PACRG: variants seen among roughly 807,000 people sequenced by gnomAD.
PACRG encodes the protein parkin coregulated gene protein.
PACRG carries 29 observed loss-of-function variants against 29.7 expected under a neutral mutation model. That is an observed-to-expected ratio of 0.98 (90% CI 0.73 to 1.33). PACRG has a LOEUF of 1.33. PACRG is among the 40% of genes most tolerant of loss of function. The probability of loss-of-function intolerance (pLI) is 0.00; values close to 1 mark genes in which losing one functional copy is unlikely to be tolerated. For synonymous variants in PACRG, 116 were observed against 118.7 expected (o/e 0.98, Z 0.15); for missense variants, 279 against 316.2 (o/e 0.88, Z 0.89).
At chr6:163,098,088 A>G (rs542879773) in intron 4 of PACRG, among the ~76,000 whole-genome samples, 14 of 152,166 alleles carry the variant, frequency 9.2e-5, no homozygotes, top group Admixed American at 3.3e-4. Flanking sequence ...GCCACGTTAT[A>G]TAGGGTTAAA....
At chr6:162,811,742 T>A (rs1042423380) in intron 1 of PACRG, among the ~76,000 whole-genome samples, 4 of 152,132 alleles carry the variant, frequency 2.6e-5, no homozygotes, top group African/African-American at 9.6e-5. Context: ...AACTGATGTA[T>A]CCATGCCATG....
chr6:163,224,021 C>G (rs1285501940), intron 4 of PACRG, among the ~76,000 whole-genome samples: 1 of 152,062 alleles, frequency 6.6e-6, no homozygotes, highest in African/African-American at 2.4e-5. Flanking sequence ...ACTATCCTAA[C>G]ATGTATATGG....
intron 2 of PACRG, among the ~76,000 whole-genome samples, chr6:162,874,111 G>C (rs1793059769): frequency 7.2e-6 from 1 of 138,572 alleles, no homozygotes; most frequent in Non-Finnish European, 1.5e-5. Context: ...TTCCAAACCA[G>C]ACAGATCAGG....
chr6:162,952,735 G>A (rs1401387968), intron 2 of PACRG, among the ~76,000 whole-genome samples: 1 of 152,194 alleles, frequency 6.6e-6, no homozygotes, highest in Non-Finnish European at 1.5e-5. Context: ...ATGGGAAGTA[G>A]CATGCATCAT....
At chr6:163,149,194 C>G (rs992435401) in intron 4 of PACRG, among the ~76,000 whole-genome samples, 1 of 152,076 alleles carries the variant, frequency 6.6e-6, no homozygotes, top group Admixed American at 6.5e-5. Context: ...CAGTCCAGGC[C>G]GGTCGGGTGT....
At chr6:163,294,937 T>C (rs1194076380) in intron 4 of PACRG, among the ~76,000 whole-genome samples, 6 of 152,238 alleles carry the variant, frequency 3.9e-5, no homozygotes, top group African/African-American at 1.4e-4. Context: ...CCTTTGATGT[T>C]TGGTGGTTGA....
intron 4 of PACRG, among the ~76,000 whole-genome samples, chr6:163,236,867 A>G (rs1428931980): frequency 1.3e-5 from 2 of 152,184 alleles, no homozygotes; most frequent in Admixed American, 1.3e-4. Context: ...CAATCATGGC[A>G]AAAGCTGAAG....
At chr6:163,111,113 C>T (rs897204248) in intron 4 of PACRG, among the ~76,000 whole-genome samples, 8 of 152,256 alleles carry the variant, frequency 5.3e-5, no homozygotes, top group Admixed American at 1.3e-4. Flanking sequence ...TTCTTCTCAC[C>T]ACCCACTTTG....
chr6:162,957,822 C>G (rs1176575732), intron 2 of PACRG, among the ~76,000 whole-genome samples: 2 of 152,220 alleles, frequency 1.3e-5, no homozygotes, highest in African/African-American at 4.8e-5. Context: ...CTAGCCCCAA[C>G]CCCAGTACCT....
intron 4 of PACRG, among the ~76,000 whole-genome samples, chr6:163,230,920 A>G (rs2128163510): frequency 6.6e-6 from 1 of 152,356 alleles, no homozygotes; most frequent in South Asian, 2.1e-4. Flanking sequence ...CCCTGCCAGT[A>G]ATTACAGCCT....
intron 4 of PACRG, among the ~76,000 whole-genome samples, chr6:163,309,103 G>A (rs886629461): frequency 4.6e-5 from 7 of 152,192 alleles, no homozygotes; most frequent in Admixed American, 2.6e-4. Flanking sequence ...ATGGCAAGGC[G>A]ATTTCTGCAG....
chr6:163,154,493 A>G (rs115073740), intron 4 of PACRG, among the ~76,000 whole-genome samples: 1,616 of 152,282 alleles, frequency 0.011, 28 homozygotes, highest in African/African-American at 0.038. Flanking sequence ...CCCCAGTATT[A>G]AGACAGACAA....
intron 3 of PACRG, among the ~76,000 whole-genome samples, chr6:163,086,511 G>A (rs1042802539): frequency 3.9e-5 from 6 of 152,068 alleles, no homozygotes; most frequent in African/African-American, 1.2e-4. Context: ...AGGCTGAGCC[G>A]TCTCTTTTCA....
Position 162,728,401 on chromosome 6 carries a change from C to T in PACRG, c.156+10C>T, listed in dbSNP as rs926481932. ...GATGAAAAACTCAGTCGTAAGTGAT[C>T]TTCCTGAATTAAATGCACTCGCTCT... On this transcript the variant is annotated intron_variant, in intron 1 of 4. Transcript: ENST00000366888. 6.2e-7 allele frequency: 1 copy of T among 1,609,464 alleles called. No individual in the cohort carries two copies. Among genetic ancestry groups the T allele is most frequent in the East Asian group, 2.2e-5 (1 of 44,842 alleles).
At chr6:162,904,104 T>G (rs1303640542) in intron 2 of PACRG, among the ~76,000 whole-genome samples, 2 of 152,182 alleles carry the variant, frequency 1.3e-5, no homozygotes, top group East Asian at 3.9e-4. Flanking sequence ...GCTAGATTCC[T>G]TCCTCCTCCT....
intron 2 of PACRG, among the ~76,000 whole-genome samples, chr6:162,973,645 T>C (rs1415861711): frequency 6.6e-6 from 1 of 152,236 alleles, no homozygotes; most frequent in Admixed American, 6.5e-5. Context: ...TCAACCTTTT[T>C]TGAGCTTATT....
intron 2 of PACRG, among the ~76,000 whole-genome samples, chr6:162,968,168 G>A (rs6921191): frequency 0.67 from 102,274 of 152,036 alleles, 34,583 homozygotes; most frequent in East Asian, 0.79. Context: ...ACTCCTCAGA[G>A]AGTTTCTCTC....
intron 4 of PACRG, among the ~76,000 whole-genome samples, chr6:163,201,521 G>A (rs974734362): frequency 6.6e-6 from 1 of 152,224 alleles, no homozygotes; most frequent in Non-Finnish European, 1.5e-5. Flanking sequence ...CTTTGGGCAT[G>A]AGGTGGGGCT....
intron 2 of PACRG, among the ~76,000 whole-genome samples, chr6:162,966,351 G>A (rs1484327674): frequency 6.6e-6 from 1 of 152,154 alleles, no homozygotes; most frequent in African/African-American, 2.4e-5. Context: ...TTTGCGTGAT[G>A]TCATCATCCC....
Sources: gnomAD v4.1 joint callset for allele counts (sites outside exome capture counted in the v4.1 genomes callset) on GRCh38, gnomAD v4.1.1 for gene constraint, MANE v1.5 for transcripts, NCBI Gene and HGNC (gene_info 2026-07-23, HGNC 2026-07-21) for gene names.